Variants in ITPR3 observed in about 807,000 individuals in gnomAD.
The protein encoded by ITPR3 is inositol 1,4,5-trisphosphate receptor type 3.
Under a neutral mutation model 293.2 loss-of-function variants are expected in ITPR3, and 173 were observed. The ratio of observed to expected loss-of-function variants is 0.59; its 90% CI spans 0.52 to 0.67. The LOEUF is 0.67. Ranked by LOEUF, ITPR3 falls within the 30% of genes least tolerant of loss-of-function variation. The pLI, the probability that ITPR3 is intolerant of heterozygous loss-of-function variation, is 0.00. For missense variants in ITPR3, 2,796 were observed against 3,592.1 expected (o/e 0.78, Z 5.66); for synonymous variants, 1,295 against 1,444.4 (o/e 0.90, Z 2.35).
At chr6:33,668,048 A>G in intron 16 of ITPR3, 84 bp downstream of exon 16, 1 of 1,471,272 alleles carries the variant, frequency 6.8e-7, no homozygotes, top group Non-Finnish European at 9.3e-7. Context: ...TGTGTGAACT[A>G]TTCCTGCACC....
Position 33,667,980 on chromosome 6 carries a change from C to A in ITPR3, c.1886+16C>A, listed in dbSNP as rs763173273. 1.9e-5 allele frequency: 31 copies of A among 1,613,158 alleles called. No individual in the cohort carries two copies. Among genetic ancestry groups the A allele is most frequent in the Non-Finnish European group, 2.6e-5 (31 of 1,179,618 alleles). ...GGGAGCCCAGGTGGGCCCGAACCCC[C>A]TCCCCGGCCGGCGCCTGCTCCTCCC... is the stretch of plus-strand genomic sequence containing the variant. On this transcript the variant is annotated intron_variant, in intron 16 of 57. Coordinates refer to ENST00000605930, the MANE Select transcript of ITPR3 (RefSeq NM_002224.4). The surrounding 1 kb of genome is among the most constrained non-coding windows in gnomAD (Gnocchi z 4.4).
chr6:33,678,309 T>C, intron 28 of ITPR3, 112 bp from the exon 29 acceptor site: 1 of 1,455,220 alleles, frequency 6.9e-7, no homozygotes, highest in Non-Finnish European at 9.4e-7. Context: ...CGCTGGCCTC[T>C]TCACGGTCCC....
chr6:33,623,310 A>G (rs1763480117), intron 1 of ITPR3, among the ~76,000 whole-genome samples: 1 of 139,730 alleles, frequency 7.2e-6, no homozygotes, highest in African/African-American at 2.7e-5. Context: ...ATGATTTTCA[A>G]GTGCCTGTGA....
rs1764883197 is a variant in ITPR3, at chr6:33,675,611, G to A, written c.3117-80G>A. 1.4e-6 allele frequency: 2 copies of A among 1,465,340 alleles called. No individual in the cohort carries two copies. Among genetic ancestry groups the A allele is most frequent in the Non-Finnish European group, 1.8e-6 (2 of 1,096,586 alleles). 90.8% of individuals were successfully genotyped at this position (1,465,340 alleles called of 1,614,324 possible). A position where few individuals can be genotyped will look rare whatever the true frequency, so the allele number is the denominator to read the frequency against. ...TAATTGGGTGGCGGAGAGTGTGCTT[G>A]TGCCAGGGCCCCTTACCCACCACGG... On this transcript the variant is annotated intron_variant, in intron 24 of 57. Coordinates refer to ENST00000605930, the MANE Select transcript of ITPR3 (RefSeq NM_002224.4). The surrounding 1 kb of genome is among the most constrained non-coding windows in gnomAD (Gnocchi z 5.0).
At chr6:33,665,245 T>A in intron 13 of ITPR3, 32 bp downstream of exon 13, 1 of 1,602,816 alleles carries the variant, frequency 6.2e-7, no homozygotes, top group Non-Finnish European at 8.5e-7. Context: ...GTTTTCTGAG[T>A]GATCTTGCCC....
At chr6:33,652,932 G>A (rs962363669) in intron 2 of ITPR3, among the ~76,000 whole-genome samples, 32 of 150,618 alleles carry the variant, frequency 2.1e-4, no homozygotes, top group African/African-American at 7.1e-4. Context: ...TTTTTAGACA[G>A]GGTCTTGCTC....
intron 1 of ITPR3, among the ~76,000 whole-genome samples, chr6:33,623,570 C>T (rs960434343): frequency 1.3e-5 from 2 of 151,944 alleles, no homozygotes; most frequent in Non-Finnish European, 2.9e-5. Flanking sequence ...TCAAGCAATC[C>T]GCCCACCCCA....
At chr6:33,694,899 T>C (rs759340814) in intron 56 of ITPR3, 25 bp from the exon 57 acceptor site, 1 of 1,613,998 alleles carries the variant, frequency 6.2e-7, no homozygotes, top group Non-Finnish European at 8.5e-7. Flanking sequence ...CCACGCCTGC[T>C]TAACCCACTG....
chr6:33,642,433 T>C (rs1046073701), intron 2 of ITPR3, among the ~76,000 whole-genome samples: 1 of 151,318 alleles, frequency 6.6e-6, no homozygotes, highest in Non-Finnish European at 1.5e-5. Context: ...GAGGTGAGGG[T>C]CCCAAGGGTG....
chr6:33,640,040 G>A (rs1763912335), intron 1 of ITPR3, among the ~76,000 whole-genome samples: 1 of 152,066 alleles, frequency 6.6e-6, no homozygotes, highest in African/African-American at 2.4e-5. Context: ...TGTTTCTTAT[G>A]CTTTTTGTCT....
In ITPR3 at chr6:33,682,364, A is replaced by C. The variant is rs1582156626; in HGVS notation, c.4477-160A>C. Among the ~76,000 whole-genome samples, 1 of 152,326 alleles carries C rather than the reference A, an allele frequency of 6.6e-6. No individual in the cohort carries two copies. The highest frequency in any genetic ancestry group is 2.1e-4 in the South Asian group (1 of 4,830). On this transcript the variant is annotated intron_variant, in intron 33 of 57. Transcript: ENST00000605930. The surrounding 1 kb of genome is among the most constrained non-coding windows in gnomAD (Gnocchi z 5.4). ...GGCAGGTCGTGCACTGCTGAAGGGA[A>C]TACAAGTACCTTTTTCCAACTGGCA... is the stretch of plus-strand genomic sequence containing the variant.
At chr6:33,631,184 G>A (rs1443480099) in intron 1 of ITPR3, among the ~76,000 whole-genome samples, 1 of 152,242 alleles carries the variant, frequency 6.6e-6, no homozygotes, top group Non-Finnish European at 1.5e-5. Context: ...GGCTTAGTGG[G>A]TGTTCTCCCC....
rs897539559 is a variant in ITPR3 at position 33,633,389 on chromosome 6, A to G, written c.90-7095A>G. Among the ~76,000 whole-genome samples the G allele has an allele frequency of 4.6e-4, 70 of 152,178 alleles. No homozygotes were observed. The highest frequency in any genetic ancestry group is 1.7e-3 in the African/African-American group (69 of 41,442). ...CCCTGTAGAGCGCGGCTCTGGTTTC[A>G]GCGCCCGGTGCGCACTCAGCAGGGC... is the stretch of plus-strand genomic sequence containing the variant. On this transcript the variant is annotated intron_variant, in intron 1 of 57. Coordinates refer to ENST00000605930, the MANE Select transcript of ITPR3 (RefSeq NM_002224.4). This position sits in a 1 kb window ranked among gnomAD's most constrained non-coding sequence, Gnocchi z 5.2.
Position 33,691,234 on chromosome 6 carries a change from C to T in ITPR3, c.7225+125C>T, listed in dbSNP as rs1019649036. On this transcript the variant is annotated intron_variant, in intron 52 of 57. Coordinates refer to ENST00000605930, the MANE Select transcript of ITPR3 (RefSeq NM_002224.4). The surrounding 1 kb of genome is among the most constrained non-coding windows in gnomAD (Gnocchi z 4.9). ...GGCTCCCGTCTGCTTCTCCTCTTGG[C>T]TTCTGGGGACGTCTAGCTAACACCA... The T allele has an allele frequency of 9.0e-6, 8 of 891,624 alleles. No individual in the cohort carries two copies. Among genetic ancestry groups the T allele is most frequent in the Non-Finnish European group, 1.0e-5 (6 of 575,774 alleles). The allele number at this position is 891,624 out of a possible 1,614,324, so 55.2% of individuals were successfully genotyped here.
rs1765493422 is a variant in ITPR3 at position 33,694,788 on chromosome 6, T to C, written c.7786-136T>C. On this transcript the variant is annotated intron_variant, in intron 56 of 57. Transcript: ENST00000605930. ...CCGGGGAGGACCAGGTCAATTCAGA[T>C]TTTCCCATGACACATCCCTGACGAG... 8.8e-6 allele frequency: 10 copies of C among 1,133,144 alleles called. No homozygotes were observed. The Admixed American group carries it at 2.0e-4, about 23-fold the overall frequency. The allele number at this position is 1,133,144 out of a possible 1,614,324, so 70.2% of individuals were successfully genotyped here.
At position 33,672,260 on chromosome 6, in the gene ITPR3, G is replaced by T. The variant is rs753018442; in HGVS notation, c.2928+32G>T. 3.8e-6 allele frequency: 6 copies of T among 1,595,524 alleles called. No homozygotes were observed. The Admixed American group carries it at 1.0e-4, about 27-fold the overall frequency. On this transcript the variant is annotated intron_variant, in intron 22 of 57. Coordinates refer to ENST00000605930, the MANE Select transcript of ITPR3 (RefSeq NM_002224.4). The surrounding 1 kb of genome is among the most constrained non-coding windows in gnomAD (Gnocchi z 5.0). ...GGGCCAGGACCGTGTGGGAGGTGTT[G>T]GGTATAGGGGGAGGGTAATGGGGCG...
rs1195016429 is a variant in ITPR3, at chr6:33,688,316, C to T, written c.6453C>T (p.Thr2151=). The change falls in exon 48 of 58, where the codon ACC becomes ACT. Residue 2151 remains threonine, a synonymous_variant. Coordinates refer to ENST00000605930, the MANE Select transcript of ITPR3 (RefSeq NM_002224.4). ...PGICQFLTEE[T]KHRLFTTTEQ... is the part of the protein sequence containing the mutation. ...TCTGCCAGTTCCTGACGGAGGAAAC[C>T]AAGCACCGGCTCTTCACCACTACTG... The T allele has an allele frequency of 6.2e-7, 1 of 1,614,170 alleles. No individual in the cohort carries two copies. Among genetic ancestry groups the T allele is most frequent in the Non-Finnish European group, 8.5e-7 (1 of 1,180,000 alleles).
At chr6:33,694,432 C>T (rs1026260559) in intron 56 of ITPR3, 9 of 196,054 alleles carry the variant, frequency 4.6e-5, no homozygotes, top group Non-Finnish European at 6.2e-5. Flanking sequence ...TCCTGGGAAA[C>T]GTGGCTTTGC....
Position 33,684,828 on chromosome 6 carries a change from AG to A in ITPR3, c.5197del (p.Ala1733ProfsTer43). On this transcript the variant is annotated frameshift_variant, in exon 39 of 58. Transcript: ENST00000605930. LOFTEE classifies it high-confidence loss of function. This position sits in a 1 kb window ranked among gnomAD's most constrained non-coding sequence, Gnocchi z 4.2. ...GCCACCCAGTGCCGGCTGGACAAGGAGGGGGCCACCAAGTTGGTATGCGACC... is the reference window on the plus strand; with the variant it reads ...GCCACCCAGTGCCGGCTGGACAAGGAGGGGCCACCAAGTTGGTATGCGACC... ...IAATQCRLDK[E>X]GATKLVCDLI... The A allele has an allele frequency of 6.2e-7, 1 of 1,613,972 alleles. No individual in the cohort carries two copies. Among genetic ancestry groups the A allele is most frequent in the Non-Finnish European group, 8.5e-7 (1 of 1,179,972 alleles).
Sources: allele counts gnomAD v4.1 joint callset (sites outside exome capture counted in the v4.1 genomes callset), GRCh38; gene constraint gnomAD v4.1.1; non-coding constraint Gnocchi (gnomAD v3.1); transcripts MANE v1.5; gene names NCBI Gene and HGNC (gene_info 2026-07-23, HGNC 2026-07-21).